Variants in PAWR observed in about 807,000 individuals in gnomAD.
PAWR encodes the protein PRKC apoptosis WT1 regulator protein.
PAWR carries 23 observed loss-of-function variants against 32.0 expected under a neutral mutation model. The observed-to-expected ratio is 0.72, with a 90% CI of 0.52 to 1.02. The LOEUF (loss-of-function observed/expected upper bound fraction) is 1.02, where lower values mean the gene tolerates loss of function less well. PAWR is among the 50% of genes least tolerant of loss of function. PAWR has a pLI of 0.00. For synonymous variants in PAWR, 226 were observed against 187.1 expected (o/e 1.21, Z -1.70); for missense variants, 457 against 437.7 (o/e 1.04, Z -0.39).
chr12:79,617,430 T>C (rs1396792648), intron 3 of PAWR, among the ~76,000 whole-genome samples: 1 of 152,096 alleles, frequency 6.6e-6, no homozygotes, highest in East Asian at 1.9e-4. Context: ...GATTAGAGAC[T>C]GGGAGGGGTG....
chr12:79,627,659 C>T lies in PAWR; in HGVS notation c.517-6452G>A, dbSNP rs560603013. ...CTTTTGGTGTTTTAGACATGAAGTC[C>T]TTGCCCATGCCTATGTCCTGAACGG... On this transcript the variant is annotated intron_variant, in intron 2 of 6. Coordinates refer to ENST00000328827, the MANE Select transcript of PAWR (RefSeq NM_002583.4). 9.9e-5 allele frequency among the ~76,000 whole-genome samples: 15 copies of T among 152,226 alleles called. No homozygotes were observed. In the South Asian group the frequency reaches 2.1e-3, roughly 21 times the overall value.
At chr12:79,602,303 G>A (rs1420558329) in intron 4 of PAWR, among the ~76,000 whole-genome samples, 1 of 152,182 alleles carries the variant, frequency 6.6e-6, no homozygotes, top group Non-Finnish European at 1.5e-5. Flanking sequence ...CACCCTAGCA[G>A]ATTATCTTAT....
intron 2 of PAWR, among the ~76,000 whole-genome samples, chr12:79,624,010 C>G (rs1390394560): frequency 6.6e-6 from 1 of 152,052 alleles, no homozygotes; most frequent in Non-Finnish European, 1.5e-5. Flanking sequence ...AGTATGAGAT[C>G]TGGAAAAGAA....
chr12:79,657,216 C>G (rs1050709755), intron 2 of PAWR, among the ~76,000 whole-genome samples: 1 of 152,064 alleles, frequency 6.6e-6, no homozygotes, highest in South Asian at 2.1e-4. Context: ...CTAGAAAATT[C>G]AAAGTACTCT....
At chr12:79,627,537 G>A (rs1704948042) in intron 2 of PAWR, among the ~76,000 whole-genome samples, 1 of 152,018 alleles carries the variant, frequency 6.6e-6, no homozygotes, top group African/African-American at 2.4e-5. Context: ...CCATTCTGTA[G>A]GTTGCCTGTT....
chr12:79,655,900 G>A (rs1592534884), intron 2 of PAWR, among the ~76,000 whole-genome samples: 1 of 152,182 alleles, frequency 6.6e-6, no homozygotes, highest in Admixed American at 6.5e-5. Flanking sequence ...ATGTGAAAGA[G>A]ACAAATAAGC....
intron 2 of PAWR, among the ~76,000 whole-genome samples, chr12:79,632,610 T>C (rs546536895): frequency 1.7e-4 from 26 of 151,488 alleles, no homozygotes; most frequent in African/African-American, 5.8e-4. Flanking sequence ...GCTCAAGTGA[T>C]CACCTGCCTC....
intron 5 of PAWR, 91 bp from the exon 6 acceptor site, chr12:79,594,524 T>G: frequency 1.6e-6 from 1 of 640,382 alleles, no homozygotes; most frequent in Non-Finnish European, 2.7e-6. Flanking sequence ...TTTGGTAAAA[T>G]ATCTTACATA....
At chr12:79,628,272 A>ATT in intron 2 of PAWR, among the ~76,000 whole-genome samples, 1 of 152,244 alleles carries the variant, frequency 6.6e-6, no homozygotes, top group African/African-American at 2.4e-5. Context: ...GAACAAAGAC[A>ATT]CAACATACAT....
In PAWR at chr12:79,654,774, T is replaced by C. The variant is rs8176821; in HGVS notation, c.517-33567A>G. Reference sequence around the variant, plus strand: ...AACTACCATTTATAAAACCATCAGATCTCGTGAGAATTCACTATCACGAGA... The same window carrying C: ...AACTACCATTTATAAAACCATCAGACCTCGTGAGAATTCACTATCACGAGA... On this transcript the variant is annotated intron_variant, in intron 2 of 6. Coordinates refer to ENST00000328827, the MANE Select transcript of PAWR (RefSeq NM_002583.4). 4.9e-3 allele frequency among the ~76,000 whole-genome samples: 740 copies of C among 152,130 alleles called. 7 individuals are homozygous for C. The highest frequency in any genetic ancestry group is 0.017 in the African/African-American group (701 of 41,500).
chr12:79,642,596 G>A (rs1876378574), intron 2 of PAWR, among the ~76,000 whole-genome samples: 1 of 151,688 alleles, frequency 6.6e-6, no homozygotes, highest in African/African-American at 2.4e-5. Context: ...TGCATCCTTG[G>A]TCTCTCTCTC....
At chr12:79,623,393 G>C (rs1433445588) in intron 2 of PAWR, among the ~76,000 whole-genome samples, 1 of 152,120 alleles carries the variant, frequency 6.6e-6, no homozygotes, top group Non-Finnish European at 1.5e-5. Flanking sequence ...CATTCTGAAA[G>C]TGCTAGTTGA....
intron 2 of PAWR, among the ~76,000 whole-genome samples, chr12:79,669,458 G>A (rs186750209): frequency 5.7e-4 from 87 of 151,800 alleles, no homozygotes; most frequent in Middle Eastern, 3.4e-3. Context: ...TATGATTTTC[G>A]TATCTGCAGA....
At chr12:79,630,384 C>T (rs1328608262) in intron 2 of PAWR, among the ~76,000 whole-genome samples, 5 of 152,092 alleles carry the variant, frequency 3.3e-5, no homozygotes, top group African/African-American at 9.7e-5. Context: ...ACTGCAACCT[C>T]TGCCTCCCGG....
At chr12:79,657,312 T>C (rs1234499897) in intron 2 of PAWR, among the ~76,000 whole-genome samples, 2 of 151,884 alleles carry the variant, frequency 1.3e-5, no homozygotes. Flanking sequence ...GGGTGATGGA[T>C]TGTTCATTCA....
intron 2 of PAWR, among the ~76,000 whole-genome samples, chr12:79,652,433 C>T (rs1375375841): frequency 1.3e-5 from 2 of 152,110 alleles, no homozygotes; most frequent in African/African-American, 2.4e-5. Context: ...CTGAGATGTG[C>T]GGATGTGAGC....
chr12:79,585,262 C>T lies in PAWR; in HGVS notation c.*7345G>A. On this transcript the variant is annotated 3_prime_UTR_variant, in exon 7 of 7. Transcript: ENST00000328827. ...AAAATAGAAATGCATACTGCAGTGGCTCAAAAACTTAGGCCTGCATCAAAA... is the reference window on the plus strand; with the variant it reads ...AAAATAGAAATGCATACTGCAGTGGTTCAAAAACTTAGGCCTGCATCAAAA... 1 of 365,294 alleles carries T rather than the reference C, an allele frequency of 2.7e-6. No individual in the cohort carries two copies. The highest frequency in any genetic ancestry group is 5.3e-6 in the Non-Finnish European group (1 of 189,872). The allele number at this position is 365,294 out of a possible 1,614,324, so 22.6% of individuals were successfully genotyped here.
chr12:79,622,416 T>C (rs941967241), intron 2 of PAWR, among the ~76,000 whole-genome samples: 14 of 152,162 alleles, frequency 9.2e-5, no homozygotes, highest in African/African-American at 3.4e-4. Flanking sequence ...CGTTAACTCG[T>C]CATTTACATT....
At position 79,682,176 on chromosome 12, in the gene PAWR, G is replaced by A. The variant is rs555268373; in HGVS notation, c.516+7553C>T. On this transcript the variant is annotated intron_variant, in intron 2 of 6. Transcript: ENST00000328827. ...GTTTTGTTTGAGTTTTTCTGAGCCA[G>A]GGTCTCACTTTGTCACCCAGGCTGT... 2.0e-4 allele frequency among the ~76,000 whole-genome samples: 30 copies of A among 152,186 alleles called. No homozygotes were observed. In the South Asian group the frequency reaches 5.8e-3, roughly 29 times the overall value.
Sources: allele counts gnomAD v4.1 joint callset (sites outside exome capture counted in the v4.1 genomes callset), GRCh38; gene constraint gnomAD v4.1.1; transcripts MANE v1.5; gene names NCBI Gene and HGNC (gene_info 2026-07-23, HGNC 2026-07-21).